NEDD4L: variants seen among roughly 807,000 people sequenced by gnomAD.
NEDD4L encodes E3 ubiquitin-protein ligase NEDD4-like.
A neutral mutation model predicts 148.9 loss-of-function variants in NEDD4L; 54 were observed. The ratio of observed to expected loss-of-function variants is 0.36; its 90% CI spans 0.29 to 0.45. The LOEUF is 0.45. NEDD4L is among the 20% of genes least tolerant of loss of function. The pLI is 1.00. For missense variants in NEDD4L, 856 were observed against 1,233.8 expected, an observed-to-expected ratio of 0.69 and a Z score of 4.59; for synonymous variants, 433 against 440.7, an observed-to-expected ratio of 0.98 and a Z score of 0.22.
At chr18:58,349,784 T>C (rs909861312) in intron 17 of NEDD4L, among the ~76,000 whole-genome samples, 170 bp downstream of exon 17, 27 of 152,248 alleles carry the variant, frequency 1.8e-4, no homozygotes, top group African/African-American at 6.5e-4. Flanking sequence ...TCATACATTA[T>C]AGTTCATGTG....
At chr18:58,358,511 A>T (rs2045028318) in intron 19 of NEDD4L, among the ~76,000 whole-genome samples, 1 of 152,222 alleles carries the variant, frequency 6.6e-6, no homozygotes. Flanking sequence ...CCTTTTCAAA[A>T]TATTTTTATC....
intron 5 of NEDD4L, among the ~76,000 whole-genome samples, chr18:58,264,710 A>G (rs1165415593): frequency 6.6e-6 from 1 of 152,168 alleles, no homozygotes; most frequent in Non-Finnish European, 1.5e-5. Context: ...TTTGAAATGT[A>G]TAGTAACTTC....
At chr18:58,068,271 C>T (rs146900205) in intron 1 of NEDD4L, among the ~76,000 whole-genome samples, 2,371 of 147,668 alleles carry the variant, frequency 0.016, 68 homozygotes, top group African/African-American at 0.056. Context: ...ATGATCTTGG[C>T]TCATTGCAAA....
At chr18:58,381,699 A>G (rs1156371603) in intron 24 of NEDD4L, among the ~76,000 whole-genome samples, 2 of 152,208 alleles carry the variant, frequency 1.3e-5, no homozygotes, top group Non-Finnish European at 2.9e-5. Context: ...CTGGGGAGGA[A>G]TAAATGGGGA....
chr18:58,308,614 A>G (rs2057328030), intron 5 of NEDD4L, among the ~76,000 whole-genome samples: 1 of 152,240 alleles, frequency 6.6e-6, no homozygotes, highest in South Asian at 2.1e-4. Flanking sequence ...GGTGACCATC[A>G]GGGTGACAGG....
chr18:58,052,643 T>A (rs999706020), intron 1 of NEDD4L, among the ~76,000 whole-genome samples: 1 of 30,506 alleles, frequency 3.3e-5, no homozygotes, highest in East Asian at 6.2e-3. Flanking sequence ...AAAAGTGAGT[T>A]TTTCTTTTTT....
intron 1 of NEDD4L, among the ~76,000 whole-genome samples, chr18:58,101,457 G>T (rs886488014): frequency 1.9e-4 from 29 of 152,090 alleles, no homozygotes; most frequent in African/African-American, 6.0e-4. Context: ...TTGGTGTCTG[G>T]AGTGCCTGGT....
At chr18:58,147,223 A>G (rs2034187383) in intron 1 of NEDD4L, among the ~76,000 whole-genome samples, 1 of 152,172 alleles carries the variant, frequency 6.6e-6, no homozygotes, top group Non-Finnish European at 1.5e-5. Flanking sequence ...TGGCTCTGGA[A>G]CAGGGTTTCC....
chr18:58,289,188 TA>T (rs2054345572), intron 5 of NEDD4L, among the ~76,000 whole-genome samples: 1 of 152,240 alleles, frequency 6.6e-6, no homozygotes, highest in East Asian at 1.9e-4. Flanking sequence ...AAGTTTACTG[TA>T]TACGCTGTGT....
chr18:58,295,978 G>C (rs755640666), intron 5 of NEDD4L, among the ~76,000 whole-genome samples: 3 of 152,156 alleles, frequency 2.0e-5, no homozygotes, highest in Non-Finnish European at 4.4e-5. Context: ...TGTTTTTCCA[G>C]CAAGAAAGCT....
At chr18:58,277,931 C>T (rs2052389494) in intron 5 of NEDD4L, among the ~76,000 whole-genome samples, 1 of 152,028 alleles carries the variant, frequency 6.6e-6, no homozygotes, top group African/African-American at 2.4e-5. Flanking sequence ...TTTATACATA[C>T]CCAAGGGATT....
At chr18:58,249,266 A>T (rs1002402645) in intron 4 of NEDD4L, among the ~76,000 whole-genome samples, 1 of 152,206 alleles carries the variant, frequency 6.6e-6, no homozygotes, top group African/African-American at 2.4e-5. Context: ...ACGGGTTATG[A>T]AATATTTTAG....
chr18:58,246,894 G>A (rs990671655), intron 3 of NEDD4L, among the ~76,000 whole-genome samples: 42 of 151,968 alleles, frequency 2.8e-4, no homozygotes, highest in Non-Finnish European at 3.4e-4. Context: ...AAAATACTTG[G>A]CTGCATGTGG....
intron 5 of NEDD4L, among the ~76,000 whole-genome samples, chr18:58,309,756 T>C (rs924669632): frequency 2.4e-4 from 37 of 151,668 alleles, no homozygotes; most frequent in African/African-American, 8.7e-4. Flanking sequence ...TGGGATATGC[T>C]TATATTTGGT....
intron 2 of NEDD4L, among the ~76,000 whole-genome samples, chr18:58,241,611 C>T (rs2046647266): frequency 6.6e-6 from 1 of 151,104 alleles, no homozygotes; most frequent in Non-Finnish European, 1.5e-5. Context: ...CCCAGATTTG[C>T]ACGGGAAGTC....
intron 9 of NEDD4L, among the ~76,000 whole-genome samples, chr18:58,326,191 G>T (rs1317095107): frequency 6.6e-6 from 1 of 152,138 alleles, no homozygotes; most frequent in Non-Finnish European, 1.5e-5. Context: ...CAAGTTTTCT[G>T]GTCTAGGTTT....
chr18:58,057,405 GC>G (rs2082136542), intron 1 of NEDD4L, among the ~76,000 whole-genome samples: 1 of 152,162 alleles, frequency 6.6e-6, no homozygotes, highest in Non-Finnish European at 1.5e-5. Context: ...GGGGTAGCTG[GC>G]TGAACAGGAA....
intron 5 of NEDD4L, among the ~76,000 whole-genome samples, chr18:58,300,357 A>G (rs1037537676): frequency 6.6e-6 from 1 of 152,204 alleles, no homozygotes; most frequent in South Asian, 2.1e-4. Context: ...GTTTTGCAGC[A>G]CTTTGCACTC....
intron 23 of NEDD4L, among the ~76,000 whole-genome samples, chr18:58,371,077 C>G (rs1349425044): frequency 6.7e-6 from 1 of 150,218 alleles, no homozygotes; most frequent in Non-Finnish European, 1.5e-5. Context: ...ATGTCTTGCT[C>G]TTTCACCCAG....
Sources: allele counts gnomAD v4.1 joint callset (sites outside exome capture counted in the v4.1 genomes callset), GRCh38; gene constraint gnomAD v4.1.1; transcripts MANE v1.5; gene names NCBI Gene and HGNC (gene_info 2026-07-23, HGNC 2026-07-21).